BCAT1: variants seen among roughly 807,000 people sequenced by gnomAD.
BCAT1 encodes the protein branched-chain-amino-acid aminotransferase, cytosolic.
BCAT1 carries 48 observed loss-of-function variants against 52.4 expected under a neutral mutation model. The ratio of observed to expected loss-of-function variants is 0.92; its 90% CI spans 0.73 to 1.16. The LOEUF (loss-of-function observed/expected upper bound fraction) is 1.16, where lower values mean the gene tolerates loss of function less well. Among genes scored for constraint, BCAT1 ranks in the 50% most tolerant of loss-of-function variants. The pLI, the probability that BCAT1 is intolerant of heterozygous loss-of-function variation, is 0.00. For synonymous variants in BCAT1, 167 were observed against 161.3 expected (o/e 1.04, Z -0.27); for missense variants, 451 against 457.1 (o/e 0.99, Z 0.12).
rs60491814 is a variant in BCAT1 at position 24,917,195 on chromosome 12, C to CTTTTT, written c.7-15315_7-15311dup. ...ATCAGTTTTTCATTAGAGCTTTGGA[C>CTTTTT]TTTTTTTTTTTTTTTTTTTTTTTTT... On this transcript the variant is annotated intron_variant, in intron 1 of 10. Coordinates refer to ENST00000261192, the MANE Select transcript of BCAT1 (RefSeq NM_005504.7). Among the ~76,000 whole-genome samples the CTTTTT allele has an allele frequency of 1.4e-3, 148 of 103,524 alleles. 2 individuals carry two copies. Among genetic ancestry groups the CTTTTT allele is most frequent in the Middle Eastern group, 5.7e-3 (1 of 174 alleles). 67.9% of individuals were successfully genotyped at this position (103,524 alleles called of 152,430 possible).
chr12:24,890,840 T>G (rs758675564), intron 3 of BCAT1, among the ~76,000 whole-genome samples: 1 of 152,208 alleles, frequency 6.6e-6, no homozygotes, highest in Non-Finnish European at 1.5e-5. Context: ...TAAATTTTAT[T>G]TTACTTTGTG....
intron 1 of BCAT1, among the ~76,000 whole-genome samples, chr12:24,928,757 T>C (rs1235340306): frequency 6.6e-6 from 1 of 150,698 alleles, no homozygotes; most frequent in African/African-American, 2.4e-5. Flanking sequence ...TTGTTTGAGA[T>C]GGAGTTTCAT....
Position 24,810,058 on chromosome 12 carries a change from G to A in BCAT1, c.*7950C>T, listed in dbSNP as rs946656180. On this transcript the variant is annotated 3_prime_UTR_variant, in exon 11 of 11. Coordinates refer to ENST00000261192, the MANE Select transcript of BCAT1 (RefSeq NM_005504.7). ...ACTCAATTTATTTGTTTCAGCTCACGAACTTTTCAGAATCCCTAGTGGCTT... is the reference window on the plus strand; with the variant it reads ...ACTCAATTTATTTGTTTCAGCTCACAAACTTTTCAGAATCCCTAGTGGCTT... 2 of 152,118 alleles carry A rather than the reference G, an allele frequency of 1.3e-5. No homozygotes were observed. The highest frequency in any genetic ancestry group is 2.4e-5 in the African/African-American group (1 of 41,416). 9.4% of individuals were successfully genotyped at this position (152,118 alleles called of 1,614,324 possible).
intron 1 of BCAT1, among the ~76,000 whole-genome samples, chr12:24,909,406 A>G (rs1943279049): frequency 6.6e-6 from 1 of 152,228 alleles, no homozygotes; most frequent in Non-Finnish European, 1.5e-5. Flanking sequence ...GTCCCATTCA[A>G]CGAAGTAAAA....
At chr12:24,866,909 C>T (rs1048958121) in intron 5 of BCAT1, among the ~76,000 whole-genome samples, 3 of 152,120 alleles carry the variant, frequency 2.0e-5, no homozygotes, top group Non-Finnish European at 4.4e-5. Context: ...TGCTGGGGTC[C>T]CCTTCCATAC....
At chr12:24,873,491 G>A (rs1382357533) in intron 5 of BCAT1, among the ~76,000 whole-genome samples, 1 of 152,128 alleles carries the variant, frequency 6.6e-6, no homozygotes, top group Admixed American at 6.6e-5. Context: ...AAATATTTGT[G>A]TACCATACTG....
intron 5 of BCAT1, among the ~76,000 whole-genome samples, chr12:24,865,773 A>G (rs987407739): frequency 1.3e-5 from 2 of 152,238 alleles, no homozygotes; most frequent in African/African-American, 4.8e-5. Flanking sequence ...ATAATGGTTG[A>G]TCAGTAAGAG....
intron 5 of BCAT1, among the ~76,000 whole-genome samples, chr12:24,866,289 C>T (rs1229092421): frequency 2.0e-5 from 3 of 152,236 alleles, no homozygotes; most frequent in Non-Finnish European, 4.4e-5. Context: ...CTAGATTTCT[C>T]GCCGGGCCAG....
intron 7 of BCAT1, among the ~76,000 whole-genome samples, chr12:24,841,621 G>A (rs949734770): frequency 5.3e-5 from 8 of 152,068 alleles, no homozygotes; most frequent in Non-Finnish European, 7.4e-5. Flanking sequence ...ATCGAAACTC[G>A]GCCGGGTGCA....
intron 5 of BCAT1, among the ~76,000 whole-genome samples, chr12:24,878,259 T>A (rs1257568172): frequency 6.6e-6 from 1 of 152,162 alleles, no homozygotes; most frequent in East Asian, 1.9e-4. Context: ...CATTTAAGTA[T>A]ATAATCGAAT....
chr12:24,881,191 T>G, intron 4 of BCAT1, 110 bp downstream of exon 4: 1 of 759,862 alleles, frequency 1.3e-6, no homozygotes, highest in South Asian at 2.0e-5. Flanking sequence ...AATGTTCATA[T>G]GGTTTGTACT....
intron 5 of BCAT1, among the ~76,000 whole-genome samples, chr12:24,862,242 T>C (rs776597530): frequency 6.6e-6 from 1 of 152,236 alleles, no homozygotes; most frequent in Non-Finnish European, 1.5e-5. Context: ...CCTGAATTCT[T>C]TCTTGTGTGA....
chr12:24,828,067 A>G (rs1940483974), intron 10 of BCAT1, among the ~76,000 whole-genome samples: 1 of 152,120 alleles, frequency 6.6e-6, no homozygotes, highest in Non-Finnish European at 1.5e-5. Context: ...TGCCATTTTT[A>G]TCACTACCCA....
intron 1 of BCAT1, among the ~76,000 whole-genome samples, chr12:24,936,311 C>T (rs1943752044): frequency 6.6e-6 from 1 of 152,228 alleles, no homozygotes; most frequent in Non-Finnish European, 1.5e-5. Flanking sequence ...TAGCTTACTG[C>T]AATCTCTACC....
At chr12:24,846,759 T>C (rs1379054655) in intron 6 of BCAT1, among the ~76,000 whole-genome samples, 2 of 152,206 alleles carry the variant, frequency 1.3e-5, no homozygotes, top group African/African-American at 4.8e-5. Context: ...GGATTAGGGA[T>C]GCCCAAAGAG....
intron 1 of BCAT1, among the ~76,000 whole-genome samples, chr12:24,933,109 C>CTTTTTTTTTTT (rs57512325): frequency 1.5e-5 from 1 of 68,578 alleles, no homozygotes; most frequent in Non-Finnish European, 2.5e-5. Flanking sequence ...CACGCCTGGC[C>CTTTTTTTTTTT]TTTTTTTTTT....
chr12:24,823,575 G>T (rs1302996889), intron 10 of BCAT1, among the ~76,000 whole-genome samples: 1 of 152,120 alleles, frequency 6.6e-6, no homozygotes, highest in Non-Finnish European at 1.5e-5. Flanking sequence ...TTGGAGGAAG[G>T]GCCTGGTGTC....
chr12:24,943,847 G>A (rs182998748), intron 1 of BCAT1, among the ~76,000 whole-genome samples: 236 of 152,196 alleles, frequency 1.6e-3, no homozygotes, highest in African/African-American at 4.8e-3. Context: ...AGCCGGGCGT[G>A]GTGGCGGGCG....
chr12:24,851,696 G>A (rs1942088625), intron 5 of BCAT1, among the ~76,000 whole-genome samples: 3 of 152,176 alleles, frequency 2.0e-5, no homozygotes, highest in African/African-American at 7.2e-5. Flanking sequence ...AAGATTAAAG[G>A]AGGACCATCC....
Sources: allele counts gnomAD v4.1 joint callset (sites outside exome capture counted in the v4.1 genomes callset), GRCh38; gene constraint gnomAD v4.1.1; transcripts MANE v1.5; gene names NCBI Gene and HGNC (gene_info 2026-07-23, HGNC 2026-07-21).